The following ZRANB2 variants were observed in gnomAD, a reference collection of about 807,000 sequenced individuals.
ZRANB2 encodes the protein zinc finger RANBP2-type containing 2.
ZRANB2 carries 19 observed loss-of-function variants against 53.4 expected under a neutral mutation model. The ratio of observed to expected loss-of-function variants is 0.36; its 90% CI spans 0.25 to 0.52. The LOEUF is 0.52. Ranked by LOEUF, ZRANB2 falls within the 20% of genes least tolerant of loss-of-function variation. The probability of loss-of-function intolerance (pLI) is 0.93; values close to 1 mark genes in which losing one functional copy is unlikely to be tolerated. For missense variants in ZRANB2, 309 were observed against 401.1 expected, an observed-to-expected ratio of 0.77 and a Z score of 1.96; for synonymous variants, 145 against 134.8, an observed-to-expected ratio of 1.08 and a Z score of -0.52.
chr1:71,066,971 A>G (rs767042980), intron 8 of ZRANB2, 37 bp from the exon 9 acceptor site: 3 of 1,537,336 alleles, frequency 2.0e-6, no homozygotes, highest in Non-Finnish European at 2.6e-6. Flanking sequence ...CATTTCATTA[A>G]AAGAAGAAAT....
chr1:71,066,961 C>A (rs761692032), intron 8 of ZRANB2, 27 bp from the exon 9 acceptor site: 1 of 1,536,786 alleles, frequency 6.5e-7, no homozygotes, highest in Admixed American at 2.2e-5. Context: ...ACAAATCAAA[C>A]ATTTCATTAA....
At chr1:71,068,197 A>G (rs1250453472) in intron 8 of ZRANB2, among the ~76,000 whole-genome samples, 2 of 152,138 alleles carry the variant, frequency 1.3e-5, no homozygotes, top group Non-Finnish European at 2.9e-5. Context: ...TTATAATGCA[A>G]GTGTGCACAA....
In ZRANB2 at chr1:71,063,957, G is replaced by C. The variant is rs1220787952; in HGVS notation, c.*1117C>G. On this transcript the variant is annotated 3_prime_UTR_variant, in exon 10 of 10. Coordinates refer to ENST00000370920, the MANE Select transcript of ZRANB2 (RefSeq NM_203350.3). ...GCATTGTCACTGGAAATACTGTTAAGAGAAACCTTTTTATTTTTTAAACCA... is the reference window on the plus strand; with the variant it reads ...GCATTGTCACTGGAAATACTGTTAACAGAAACCTTTTTATTTTTTAAACCA... 1 of 152,364 alleles carries C rather than the reference G, an allele frequency of 6.6e-6. No homozygotes were observed. The highest frequency in any genetic ancestry group is 1.5e-5 in the Non-Finnish European group (1 of 67,862). The allele number at this position is 152,364 out of a possible 1,614,324, so 9.4% of individuals were successfully genotyped here. A position where few individuals can be genotyped will look rare whatever the true frequency, so the allele number is the denominator to read the frequency against.
intron 3 of ZRANB2, 52 bp from the exon 4 acceptor site, chr1:71,076,929 A>C (rs1375157411): frequency 1.6e-6 from 2 of 1,286,246 alleles, no homozygotes; most frequent in Non-Finnish European, 2.2e-6. Flanking sequence ...GATGAATATC[A>C]AATTTTTAGA....
intron 3 of ZRANB2, among the ~76,000 whole-genome samples, chr1:71,077,337 T>C (rs1557794634): frequency 6.6e-6 from 1 of 152,194 alleles, no homozygotes; most frequent in Non-Finnish European, 1.5e-5. Context: ...TTCTGATGTC[T>C]TATGAAAAAA....
chr1:71,065,566 A>C, intron 9 of ZRANB2: 1 of 1,415,116 alleles, frequency 7.1e-7, no homozygotes, highest in Non-Finnish European at 9.3e-7. Flanking sequence ...GCTTCTGTGT[A>C]TGAGAAAATA....
intron 6 of ZRANB2, among the ~76,000 whole-genome samples, chr1:71,071,755 T>C (rs896270931): frequency 1.3e-5 from 2 of 152,178 alleles, no homozygotes; most frequent in Non-Finnish European, 2.9e-5. Context: ...CTTCCTATCA[T>C]TCAAGTTTCA....
Position 71,078,652 on chromosome 1 carries a change from T to C in ZRANB2, c.109+4A>G, listed in dbSNP as rs748121440. On this transcript the variant is annotated splice_donor_region_variant and intron_variant, in intron 2 of 9. Coordinates refer to ENST00000370920, the MANE Select transcript of ZRANB2 (RefSeq NM_203350.3). ...TATAAATAGAATCTTCTTTAAATAC[T>C]TACCCCGACCACATCGATTACAGCT... is the stretch of plus-strand genomic sequence containing the variant. The C allele has an allele frequency of 6.2e-7, 1 of 1,612,622 alleles. No individual in the cohort carries two copies. The highest frequency in any genetic ancestry group is 8.5e-7 in the Non-Finnish European group (1 of 1,178,922).
chr1:71,065,366 T>C (rs547486415), intron 9 of ZRANB2, among the ~76,000 whole-genome samples: 82 of 152,056 alleles, frequency 5.4e-4, no homozygotes, highest in African/African-American at 1.8e-3. Context: ...TTCAAAAGAA[T>C]CTCATTTCAA....
In ZRANB2 at chr1:71,065,086, T is replaced by C. The variant is rs530849164; in HGVS notation, c.981A>G (p.Ser327=). Residue 327 remains serine (S), a synonymous_variant, in exon 10 of 10, where the codon TCA becomes TCG. Coordinates refer to ENST00000370920, the MANE Select transcript of ZRANB2 (RefSeq NM_203350.3). ...AAATTTTAATACATTATTTCTTTTT[T>C]GAACTTGAACGGGAACCAGAATGGG... is the stretch of plus-strand genomic sequence containing the variant. ...GSSHSGSRSS[S]KKK The C allele has an allele frequency of 6.2e-7, 1 of 1,610,306 alleles. No homozygotes were observed. The highest frequency in any genetic ancestry group is 1.7e-5 in the Admixed American group (1 of 59,766).
At position 71,065,112 on chromosome 1, in the gene ZRANB2, A is replaced by T; in HGVS notation, c.955T>A (p.Ser319Thr). The T allele has an allele frequency of 5.6e-6, 9 of 1,611,696 alleles. No individual in the cohort carries two copies. The highest frequency in any genetic ancestry group is 5.1e-6 in the Non-Finnish European group (6 of 1,178,488). Residue 319 changes from serine (S) to threonine (T), a missense_variant, in exon 10 of 10, where the codon TCC becomes ACC. Physicochemically the swap from Ser to Thr is moderately conservative, Grantham distance 58. Transcript: ENST00000370920. ...ERRHRSSSGS[S>T]HSGSRSSSKK... is the part of the protein sequence containing the mutation. ...GAACTTGAACGGGAACCAGAATGGGATGATCCAGATGATGACCTGTGGCGT... is the reference window on the plus strand; with the variant it reads ...GAACTTGAACGGGAACCAGAATGGGTTGATCCAGATGATGACCTGTGGCGT...
Position 71,073,186 on chromosome 1 carries a change from C to T in ZRANB2, c.302-638G>A, listed in dbSNP as rs72942320. Among the ~76,000 whole-genome samples, 706 of 152,202 alleles carry T rather than the reference C, an allele frequency of 4.6e-3. 6 individuals are homozygous for T. The highest frequency in any genetic ancestry group is 0.016 in the African/African-American group (683 of 41,562). On this transcript the variant is annotated intron_variant, in intron 4 of 9. Coordinates refer to ENST00000370920, the MANE Select transcript of ZRANB2 (RefSeq NM_203350.3). ...TAGTTGAGATTAGCAAACCACTATT[C>T]TCTCATGTCACAACCAATGTATACA...
At chr1:71,076,228 A>T (rs1363955890) in intron 4 of ZRANB2, among the ~76,000 whole-genome samples, 1 of 152,242 alleles carries the variant, frequency 6.6e-6, no homozygotes, top group African/African-American at 2.4e-5. Flanking sequence ...TTTCACCAGT[A>T]ACATACAAAG....
intron 9 of ZRANB2, chr1:71,065,801 G>T: frequency 6.2e-7 from 1 of 1,606,696 alleles, no homozygotes; most frequent in South Asian, 1.1e-5. Flanking sequence ...CAACAAACTA[G>T]GGGGATTATA....
intron 8 of ZRANB2, among the ~76,000 whole-genome samples, chr1:71,068,475 C>G (rs1661509947): frequency 6.6e-6 from 1 of 152,166 alleles, no homozygotes; most frequent in African/African-American, 2.4e-5. Context: ...ACAGATGTGA[C>G]TACATGCAAC....
At chr1:71,065,674 C>T in intron 9 of ZRANB2, 4 of 1,608,744 alleles carry the variant, frequency 2.5e-6, no homozygotes, top group Non-Finnish European at 2.5e-6. Context: ...AAGTCAATAT[C>T]AACCTGGGTA....
chr1:71,066,143 CTGAG>C (rs1661428676), intron 9 of ZRANB2: 3 of 163,388 alleles, frequency 1.8e-5, no homozygotes, highest in Admixed American at 6.4e-5. Flanking sequence ...ATTAATGAAA[CTGAG>C]TAATTAGCCT....
intron 4 of ZRANB2, among the ~76,000 whole-genome samples, chr1:71,075,781 C>T (rs1269403346): frequency 6.6e-6 from 1 of 151,030 alleles, no homozygotes; most frequent in East Asian, 2.0e-4. Context: ...GGTGGAAAGG[C>T]AAAATCACTT....
At chr1:71,065,446 A>T (rs1661403214) in intron 9 of ZRANB2, among the ~76,000 whole-genome samples, 1 of 152,094 alleles carries the variant, frequency 6.6e-6, no homozygotes, top group Admixed American at 6.6e-5. Context: ...AATTACAGAA[A>T]ATGTACAACA....
Sources: allele counts gnomAD v4.1 joint callset (sites outside exome capture counted in the v4.1 genomes callset), GRCh38; gene constraint gnomAD v4.1.1; transcripts MANE v1.5; gene names NCBI Gene and HGNC (gene_info 2026-07-23, HGNC 2026-07-21).